The following PKP4 variants were observed in gnomAD, a reference collection of about 807,000 sequenced individuals.
PKP4 encodes the protein plakophilin-4.
A neutral mutation model predicts 145.1 loss-of-function variants in PKP4; 90 were observed. The observed-to-expected ratio is 0.62, with a 90% CI of 0.52 to 0.74. The LOEUF is 0.74. Among genes scored for constraint, PKP4 ranks in the 30% least tolerant of loss-of-function variants. PKP4 has a pLI of 0.00. For missense variants in PKP4, 1,340 were observed against 1,482.7 expected (o/e 0.90, Z 1.58); for synonymous variants, 563 against 577.2 (o/e 0.98, Z 0.35).
At chr2:158,561,730 CT>C (rs2046532841) in intron 2 of PKP4, among the ~76,000 whole-genome samples, 1 of 152,010 alleles carries the variant, frequency 6.6e-6, no homozygotes, top group Admixed American at 6.5e-5. Flanking sequence ...GTTGCCTCTG[CT>C]TTTCCCTCTT....
At chr2:158,663,197 C>G in intron 14 of PKP4, 75 bp from the exon 15 acceptor site, 5 of 1,532,472 alleles carry the variant, frequency 3.3e-6, no homozygotes, top group Non-Finnish European at 4.4e-6. Context: ...CTGAGTCCCG[C>G]AAAGGTGAAT....
chr2:158,603,057 T>C lies in PKP4; in HGVS notation c.246-13T>C. ...TAAATAAATGTTCCATTTTTTTCTT[T>C]CTTTTTCTTTAGCTCAACTGAGAAG... On this transcript the variant is annotated splice_polypyrimidine_tract_variant and intron_variant, in intron 3 of 21. Coordinates refer to ENST00000389759, the MANE Select transcript of PKP4 (RefSeq NM_003628.6). 1 of 1,471,466 alleles carries C rather than the reference T, an allele frequency of 6.8e-7. No individual in the cohort carries two copies. Among genetic ancestry groups the C allele is most frequent in the Non-Finnish European group, 9.2e-7 (1 of 1,084,544 alleles). 91.2% of individuals were successfully genotyped at this position (1,471,466 alleles called of 1,614,324 possible).
intron 2 of PKP4, among the ~76,000 whole-genome samples, chr2:158,561,585 C>A (rs1027069671): frequency 2.6e-5 from 4 of 152,156 alleles, no homozygotes; most frequent in Admixed American, 6.5e-5. Context: ...ATGTTTTAAT[C>A]CAATTCCCTG....
chr2:158,677,510 C>T (rs1449889730), intron 20 of PKP4, among the ~76,000 whole-genome samples: 4 of 152,170 alleles, frequency 2.6e-5, no homozygotes, highest in African/African-American at 4.8e-5. Flanking sequence ...CCATTCTCAA[C>T]CGTCTGGCGA....
At chr2:158,632,683 C>T (rs2105915482) in intron 8 of PKP4, 1 of 152,014 alleles carries the variant, frequency 6.6e-6, no homozygotes, top group South Asian at 2.1e-4. Context: ...CAAATGAACC[C>T]TAGGTAGCAA....
chr2:158,598,549 C>T (rs548602861), intron 3 of PKP4, among the ~76,000 whole-genome samples: 11 of 152,218 alleles, frequency 7.2e-5, no homozygotes, highest in South Asian at 6.2e-4. Context: ...GGGCGGATCA[C>T]GAGGTCACGA....
intron 2 of PKP4, among the ~76,000 whole-genome samples, chr2:158,569,451 G>A (rs2047252050): frequency 6.6e-6 from 1 of 152,180 alleles, no homozygotes; most frequent in African/African-American, 2.4e-5. Context: ...TCCTAATAAT[G>A]TATATCCTTC....
chr2:158,674,878 C>A (rs1291032252), intron 19 of PKP4, among the ~76,000 whole-genome samples: 1 of 152,172 alleles, frequency 6.6e-6, no homozygotes, highest in Admixed American at 6.5e-5. Flanking sequence ...CTCATGTGGA[C>A]AAATGTGGCC....
chr2:158,648,782 C>T (rs1448280227), intron 11 of PKP4, among the ~76,000 whole-genome samples: 2 of 152,278 alleles, frequency 1.3e-5, no homozygotes, highest in East Asian at 1.9e-4. Flanking sequence ...GCAAATCACT[C>T]GAGGTCAGGA....
At chr2:158,509,938 A>G (rs1574184116) in intron 1 of PKP4, among the ~76,000 whole-genome samples, 1 of 119,878 alleles carries the variant, frequency 8.3e-6, no homozygotes, top group Admixed American at 9.4e-5. Flanking sequence ...CAAGAGCAAA[A>G]CTCCATCTCA....
At chr2:158,678,478 C>A in intron 20 of PKP4, 103 bp from the exon 21 acceptor site, 1 of 805,000 alleles carries the variant, frequency 1.2e-6, no homozygotes, top group Non-Finnish European at 2.2e-6. Context: ...GGAAGACAGG[C>A]CCTGTCGGGG....
chr2:158,661,478 C>A, intron 13 of PKP4, 28 bp downstream of exon 13: 1 of 1,445,588 alleles, frequency 6.9e-7, no homozygotes, highest in South Asian at 1.1e-5. Flanking sequence ...TGCAGGAGGG[C>A]GTGGTGGCAG....
At chr2:158,595,859 A>G (rs1414600049) in intron 3 of PKP4, among the ~76,000 whole-genome samples, 2 of 152,150 alleles carry the variant, frequency 1.3e-5, no homozygotes. Flanking sequence ...CAGATGCATA[A>G]TGGGAAATAC....
At chr2:158,534,522 A>G (rs2043862259) in intron 2 of PKP4, among the ~76,000 whole-genome samples, 1 of 152,234 alleles carries the variant, frequency 6.6e-6, no homozygotes, top group Non-Finnish European at 1.5e-5. Flanking sequence ...GAGAGAAAAA[A>G]GGACTCTTCG....
intron 1 of PKP4, among the ~76,000 whole-genome samples, chr2:158,474,501 T>A (rs543755958): frequency 1.3e-5 from 2 of 152,346 alleles, no homozygotes; most frequent in African/African-American, 4.8e-5. Context: ...CAATAAAAAA[T>A]TTTTTAAAAA....
intron 1 of PKP4, among the ~76,000 whole-genome samples, chr2:158,493,213 T>C (rs748381193): frequency 7.2e-5 from 11 of 152,200 alleles, no homozygotes; most frequent in East Asian, 1.9e-4. Flanking sequence ...CTCTGCCTTA[T>C]ACCCCTTTGC....
At chr2:158,627,138 T>G (rs2052877685) in intron 7 of PKP4, among the ~76,000 whole-genome samples, 1 of 152,180 alleles carries the variant, frequency 6.6e-6, no homozygotes, top group Non-Finnish European at 1.5e-5. Flanking sequence ...ATCCAAGAAG[T>G]GTGCTTGACT....
intron 2 of PKP4, among the ~76,000 whole-genome samples, chr2:158,538,187 C>G (rs943992937): frequency 6.6e-6 from 1 of 152,198 alleles, no homozygotes; most frequent in Non-Finnish European, 1.5e-5. Flanking sequence ...CTGCTGCCCT[C>G]TGCAACTTAC....
rs997344926 is a variant in PKP4, at chr2:158,606,775, T to C, written c.280+3671T>C. Among the ~76,000 whole-genome samples, 50 of 152,306 alleles carry C rather than the reference T, an allele frequency of 3.3e-4. 1 individual carries two copies. Among genetic ancestry groups the C allele is most frequent in the Admixed American group, 9.8e-4 (15 of 15,308 alleles). On this transcript the variant is annotated intron_variant, in intron 4 of 21. Coordinates refer to ENST00000389759, the MANE Select transcript of PKP4 (RefSeq NM_003628.6). The stretch of plus-strand genomic sequence containing the variant: ...ATAATTAATTTATTTCTGAAATAAA[T>C]AAACACTTTTCTAGCATGTAATTGT...
Sources: gnomAD v4.1 joint callset for allele counts (sites outside exome capture counted in the v4.1 genomes callset) on GRCh38, gnomAD v4.1.1 for gene constraint, MANE v1.5 for transcripts, NCBI Gene and HGNC (gene_info 2026-07-23, HGNC 2026-07-21) for gene names.